The following ITPK1 variants were observed in gnomAD, a reference collection of about 807,000 sequenced individuals.
ITPK1 encodes inositol-tetrakisphosphate 1-kinase.
Under a neutral mutation model 45.3 loss-of-function variants are expected in ITPK1, and 21 were observed. That is an observed-to-expected ratio of 0.46 (90% CI 0.33 to 0.67). ITPK1 has a LOEUF of 0.67. Among genes scored for constraint, ITPK1 ranks in the 30% least tolerant of loss-of-function variants. The pLI, the probability that ITPK1 is intolerant of heterozygous loss-of-function variation, is 0.02. For synonymous variants in ITPK1, 258 were observed against 253.6 expected, an observed-to-expected ratio of 1.02 and a Z score of -0.16; for missense variants, 474 against 573.5, an observed-to-expected ratio of 0.83 and a Z score of 1.77.
At chr14:93,102,843 G>A (rs541593750) in intron 2 of ITPK1, among the ~76,000 whole-genome samples, 1 of 152,254 alleles carries the variant, frequency 6.6e-6, no homozygotes, top group South Asian at 2.1e-4. Context: ...GCTCATGCCT[G>A]TCATCCCAGC....
At chr14:93,066,344 G>GA (rs534295732) in intron 3 of ITPK1, 1 of 438,840 alleles carries the variant, frequency 2.3e-6, no homozygotes. Flanking sequence ...GTGTGTGTAG[G>GA]GGGCAGAGGC....
rs555411482 is a variant in ITPK1 at position 92,985,313 on chromosome 14, T to C, written c.364+8567A>G. Among the ~76,000 whole-genome samples, 5 of 152,248 alleles carry C rather than the reference T, an allele frequency of 3.3e-5. No homozygotes were observed. The South Asian group carries it at 1.0e-3, about 32-fold the overall frequency. ...GGAAATTCGAATTCATTTAGGTCTT[T>C]CAATTATTGAATAGTTATCAATGTG... On this transcript the variant is annotated intron_variant, in intron 5 of 10. Coordinates refer to ENST00000267615, the MANE Select transcript of ITPK1 (RefSeq NM_014216.6).
chr14:93,097,461 G>C (rs1892125483), intron 2 of ITPK1, among the ~76,000 whole-genome samples: 1 of 152,174 alleles, frequency 6.6e-6, no homozygotes, highest in Non-Finnish European at 1.5e-5. Context: ...CCAGGGCAGA[G>C]ACCCCTTACC....
At chr14:93,055,203 C>G (rs1292492187) in intron 3 of ITPK1, among the ~76,000 whole-genome samples, 2 of 152,206 alleles carry the variant, frequency 1.3e-5, no homozygotes, top group Non-Finnish European at 2.9e-5. Context: ...CGTACCCATT[C>G]TACAGCCAAT....
chr14:92,940,607 C>T lies in ITPK1; in HGVS notation c.*954G>A, dbSNP rs139795542. On this transcript the variant is annotated 3_prime_UTR_variant, in exon 11 of 11. Transcript: ENST00000267615. ...CTCCATGGTGTCATGCCGAGGCTCC[C>T]GCGCCTATCCTCACCTAGGTGACTT... 1,260 of 1,204,284 alleles carry T rather than the reference C, an allele frequency of 1.0e-3. 3 individuals are homozygous for T. Among genetic ancestry groups the T allele is most frequent in the African/African-American group, 4.1e-3 (258 of 63,050 alleles). 74.6% of individuals were successfully genotyped at this position (1,204,284 alleles called of 1,614,324 possible). A position where few individuals can be genotyped will look rare whatever the true frequency, so the allele number is the denominator to read the frequency against.
intron 2 of ITPK1, among the ~76,000 whole-genome samples, chr14:93,113,365 G>A (rs1892823013): frequency 6.6e-6 from 1 of 152,138 alleles, no homozygotes; most frequent in Non-Finnish European, 1.5e-5. Context: ...AATATTTTGC[G>A]AGAGCCTCCT....
chr14:93,089,880 G>T (rs540986816), intron 2 of ITPK1, among the ~76,000 whole-genome samples: 1 of 152,308 alleles, frequency 6.6e-6, no homozygotes, highest in Non-Finnish European at 1.5e-5. Context: ...CTGCCACCAA[G>T]CCAAAGCCAA....
chr14:93,010,559 C>T (rs536176159), intron 4 of ITPK1, among the ~76,000 whole-genome samples: 3 of 152,232 alleles, frequency 2.0e-5, no homozygotes, highest in African/African-American at 4.8e-5. Flanking sequence ...CTGACCCCCA[C>T]CTGGCCCTGC....
At position 92,997,311 on chromosome 14, in the gene ITPK1, A is replaced by C. The variant is rs76394838; in HGVS notation, c.247-3314T>G. Among the ~76,000 whole-genome samples the C allele has an allele frequency of 5.8e-3, 880 of 152,344 alleles. 9 individuals are homozygous for C. The highest frequency in any genetic ancestry group is 0.02 in the African/African-American group (843 of 41,580). ...TGCGTTAGGACAGTGACCTTTAAAGAGAGAACTCAGATTCATTAAGACATG... is the reference window on the plus strand; with the variant it reads ...TGCGTTAGGACAGTGACCTTTAAAGCGAGAACTCAGATTCATTAAGACATG... On this transcript the variant is annotated intron_variant, in intron 4 of 10. Coordinates refer to ENST00000267615, the MANE Select transcript of ITPK1 (RefSeq NM_014216.6).
chr14:92,948,867 G>A (rs898683968), intron 9 of ITPK1, among the ~76,000 whole-genome samples: 3 of 151,278 alleles, frequency 2.0e-5, no homozygotes, highest in Non-Finnish European at 4.4e-5. Flanking sequence ...CCCACGCTCC[G>A]AGGGACCCAC....
intron 3 of ITPK1, among the ~76,000 whole-genome samples, chr14:93,059,983 C>T (rs931667533): frequency 1.3e-5 from 2 of 151,680 alleles, no homozygotes; most frequent in Non-Finnish European, 2.9e-5. Context: ...GGCTGACTGC[C>T]GTAGAACGCA....
chr14:93,017,219 T>C (rs922511732), intron 3 of ITPK1, among the ~76,000 whole-genome samples: 8 of 152,172 alleles, frequency 5.3e-5, no homozygotes, highest in African/African-American at 1.9e-4. Context: ...GTTATGTAAA[T>C]GACTAACATC....
chr14:93,048,259 G>T (rs141098143), intron 3 of ITPK1, among the ~76,000 whole-genome samples: 1 of 152,174 alleles, frequency 6.6e-6, no homozygotes, highest in Non-Finnish European at 1.5e-5. Context: ...TTTGGCAAGC[G>T]CCTTCGGCCT....
chr14:93,023,028 T>C (rs1264795903), intron 3 of ITPK1, among the ~76,000 whole-genome samples: 1 of 152,112 alleles, frequency 6.6e-6, no homozygotes, highest in Non-Finnish European at 1.5e-5. Flanking sequence ...GCCCCTTTTC[T>C]GTTTTTGCTT....
At position 92,949,647 on chromosome 14, in the gene ITPK1, G is replaced by C. The variant is rs532450897; in HGVS notation, c.738+2299C>G. On this transcript the variant is annotated intron_variant, in intron 9 of 10. Transcript: ENST00000267615. Reference sequence around the variant, plus strand: ...CATCTCGCTGTGAGATTGTGGTGCCGACGACGGGAGGAGCTGCTGCCTCAG... The same window carrying C: ...CATCTCGCTGTGAGATTGTGGTGCCCACGACGGGAGGAGCTGCTGCCTCAG... 1.2e-3 allele frequency among the ~76,000 whole-genome samples: 187 copies of C among 152,356 alleles called. 3 individuals carry two copies. The highest frequency in any genetic ancestry group is 1.9e-4 in the East Asian group (1 of 5,186).
chr14:93,000,974 TAAAAA>T (rs201265189), intron 4 of ITPK1, among the ~76,000 whole-genome samples: 2 of 81,916 alleles, frequency 2.4e-5, no homozygotes, highest in Admixed American at 1.2e-4. Flanking sequence ...AGACTCCAAC[TAAAAA>T]AAAAAAAAAA....
Position 92,940,951 on chromosome 14 carries a change from C to A in ITPK1, c.*610G>T. 2.3e-6 allele frequency: 3 copies of A among 1,287,140 alleles called. No homozygotes were observed. Among genetic ancestry groups the A allele is most frequent in the Non-Finnish European group, 3.0e-6 (3 of 988,564 alleles). The allele number at this position is 1,287,140 out of a possible 1,614,324, so 79.7% of individuals were successfully genotyped here. A position where few individuals can be genotyped will look rare whatever the true frequency, so the allele number is the denominator to read the frequency against. ...TTCCCTTTAGTGAGGGAGCACAGCC[C>A]AGACCCCAGCGCGGAACTCCCCTGA... On this transcript the variant is annotated 3_prime_UTR_variant, in exon 11 of 11. Coordinates refer to ENST00000267615, the MANE Select transcript of ITPK1 (RefSeq NM_014216.6).
chr14:93,005,543 T>C (rs569773658), intron 4 of ITPK1, among the ~76,000 whole-genome samples: 1 of 152,222 alleles, frequency 6.6e-6, no homozygotes, highest in Admixed American at 6.5e-5. Flanking sequence ...ACTGCCAGGA[T>C]CCTGGCACCC....
At chr14:93,059,706 G>A (rs1890425930) in intron 3 of ITPK1, among the ~76,000 whole-genome samples, 1 of 44,190 alleles carries the variant, frequency 2.3e-5, no homozygotes, top group Admixed American at 1.9e-4. Context: ...CACGAGGCAG[G>A]GGTGGAGGGG....
Sources: gnomAD v4.1 joint callset for allele counts (sites outside exome capture counted in the v4.1 genomes callset) on GRCh38, gnomAD v4.1.1 for gene constraint, MANE v1.5 for transcripts, NCBI Gene and HGNC (gene_info 2026-07-23, HGNC 2026-07-21) for gene names.